The following VDR variants were observed in gnomAD, a reference collection of about 807,000 sequenced individuals.
VDR encodes the protein vitamin D3 receptor.
VDR carries 19 observed loss-of-function variants against 39.7 expected under a neutral mutation model. That is an observed-to-expected ratio of 0.48 (90% CI 0.33 to 0.70). VDR has a LOEUF of 0.70. VDR is among the 30% of genes least tolerant of loss of function. The probability of loss-of-function intolerance (pLI) is 0.02; values close to 1 mark genes in which losing one functional copy is unlikely to be tolerated. For missense variants in VDR, 442 were observed against 570.5 expected (o/e 0.77, Z 2.29); for synonymous variants, 242 against 215.8 (o/e 1.12, Z -1.07).
At chr12:47,881,409 T>A (rs942231434) in intron 2 of VDR, among the ~76,000 whole-genome samples, 4 of 152,240 alleles carry the variant, frequency 2.6e-5, no homozygotes, top group African/African-American at 9.6e-5. Context: ...GGGAGACAAT[T>A]CATTCATACT....
chr12:47,860,623 C>T (rs1243889516), intron 4 of VDR, among the ~76,000 whole-genome samples: 2 of 152,226 alleles, frequency 1.3e-5, no homozygotes, highest in East Asian at 1.9e-4. Flanking sequence ...AATTACTGAA[C>T]ATTGCAGGAC....
intron 7 of VDR, among the ~76,000 whole-genome samples, chr12:47,847,032 T>C (rs1318864773): frequency 6.6e-6 from 1 of 152,006 alleles, no homozygotes; most frequent in African/African-American, 2.4e-5. Context: ...AGTAGCTCAG[T>C]TACTAAGACA....
At position 47,844,928 on chromosome 12, in the gene VDR, G is replaced by C. The variant is rs78942213; in HGVS notation, c.1102C>G (p.Arg368Gly). 1 of 1,614,096 alleles carries C rather than the reference G, an allele frequency of 6.2e-7. No individual in the cohort carries two copies. Among genetic ancestry groups the C allele is most frequent in the Non-Finnish European group, 8.5e-7 (1 of 1,180,000 alleles). ...CTGCCCGGGGGCGGGTGGCGGCAGC[G>C]GATGTACGTCTGCAGTGTGTTGGAC... ...RLSNTLQTYI[R>G]CRHPPPGSHL... The change falls in exon 10 of 10, where the codon CGC (arginine) becomes GGC (glycine). Residue 368 changes from arginine to glycine, a missense_variant. This residue lies in a region of VDR where 173 missense variants were observed against 252.0 expected (regional missense o/e 0.69). Transcript: ENST00000549336.
chr12:47,855,590 A>C, intron 7 of VDR, 40 bp downstream of exon 7: 1 of 1,611,894 alleles, frequency 6.2e-7, no homozygotes, highest in Non-Finnish European at 8.5e-7. Context: ...TCAGTCTAGG[A>C]CTCTGACTCT....
At chr12:47,903,202 C>T (rs1464438933) in intron 1 of VDR, among the ~76,000 whole-genome samples, 1 of 152,212 alleles carries the variant, frequency 6.6e-6, no homozygotes, top group East Asian at 1.9e-4. Context: ...GGGTCCAAGT[C>T]ACAGCTGATC....
intron 3 of VDR, among the ~76,000 whole-genome samples, chr12:47,872,087 T>C (rs1945893673): frequency 6.6e-6 from 1 of 152,230 alleles, no homozygotes; most frequent in South Asian, 2.1e-4. Context: ...TAAAAAGCCA[T>C]ATTATGACGT....
In VDR at chr12:47,882,763, A is replaced by G. The variant is rs1373221755; in HGVS notation, c.-72T>C. 1 of 1,534,978 alleles carries G rather than the reference A, an allele frequency of 6.5e-7. No individual in the cohort carries two copies. On this transcript the variant is annotated 5_prime_UTR_variant, in exon 2 of 10. Coordinates refer to ENST00000549336, the MANE Select transcript of VDR (RefSeq NM_000376.3). ...CTGTGAGGTCTCACAGACACTTCAGACCCAAAGGCTTCTGAAATGAAGAAG... is the reference window on the plus strand; with the variant it reads ...CTGTGAGGTCTCACAGACACTTCAGGCCCAAAGGCTTCTGAAATGAAGAAG...
chr12:47,900,348 G>A (rs4760655), intron 1 of VDR, among the ~76,000 whole-genome samples: 107,992 of 152,136 alleles, frequency 0.71, 39,823 homozygotes, highest in African/African-American at 0.93. Flanking sequence ...CATTTACTGC[G>A]GGTGTATAAT....
At chr12:47,871,311 T>TTTCC (rs1945862913) in intron 3 of VDR, among the ~76,000 whole-genome samples, 1 of 134,088 alleles carries the variant, frequency 7.5e-6, no homozygotes, top group Non-Finnish European at 1.6e-5. Context: ...TCTTTCTTTC[T>TTTCC]TTCTTTCTTT....
intron 4 of VDR, among the ~76,000 whole-genome samples, chr12:47,861,925 A>G (rs549901129): frequency 6.6e-6 from 1 of 152,386 alleles, no homozygotes; most frequent in East Asian, 1.9e-4. Context: ...TTTCCAAATG[A>G]ACGGCACAGA....
At chr12:47,890,374 ATT>A (rs1491170689) in intron 1 of VDR, among the ~76,000 whole-genome samples, 4 of 133,562 alleles carry the variant, frequency 3.0e-5, no homozygotes, top group African/African-American at 1.5e-4. Flanking sequence ...TGTAATATAT[ATT>A]TTATATATAT....
intron 2 of VDR, among the ~76,000 whole-genome samples, chr12:47,882,090 G>A (rs1416100569): frequency 6.6e-6 from 1 of 152,196 alleles, no homozygotes; most frequent in Non-Finnish European, 1.5e-5. Flanking sequence ...ATGCAAGCGA[G>A]TGGAACAACA....
In VDR at chr12:47,843,400, C is replaced by T. The variant is rs978986751; in HGVS notation, c.*1346G>A. The T allele has an allele frequency of 6.6e-6, 1 of 152,314 alleles. No homozygotes were observed. The highest frequency in any genetic ancestry group is 2.4e-5 in the African/African-American group (1 of 41,428). The allele number at this position is 152,314 out of a possible 1,614,324, so 9.4% of individuals were successfully genotyped here. A position where few individuals can be genotyped will look rare whatever the true frequency, so the allele number is the denominator to read the frequency against. On this transcript the variant is annotated 3_prime_UTR_variant, in exon 10 of 10. Coordinates refer to ENST00000549336, the MANE Select transcript of VDR (RefSeq NM_000376.3). ...CTGATCTGAAGAAGCCTCTGTGATCCACCTCGAAGAACGCCTTTCTGTACC... is the reference window on the plus strand; with the variant it reads ...CTGATCTGAAGAAGCCTCTGTGATCTACCTCGAAGAACGCCTTTCTGTACC...
At chr12:47,884,004 AC>A (rs1946209396) in intron 1 of VDR, among the ~76,000 whole-genome samples, 1 of 152,214 alleles carries the variant, frequency 6.6e-6, no homozygotes, top group African/African-American at 2.4e-5. Context: ...GCATGCTGCC[AC>A]GTACCCCCAA....
chr12:47,902,790 A>G (rs1169385727), intron 1 of VDR, among the ~76,000 whole-genome samples: 1 of 152,178 alleles, frequency 6.6e-6, no homozygotes, highest in Admixed American at 6.5e-5. Context: ...GAATGAAACA[A>G]TGGGAACTCC....
chr12:47,903,196 C>G (rs1356300065), intron 1 of VDR, among the ~76,000 whole-genome samples: 1 of 152,172 alleles, frequency 6.6e-6, no homozygotes, highest in Non-Finnish European at 1.5e-5. Flanking sequence ...TGGTAAGGGT[C>G]CAAGTCACAG....
At chr12:47,859,941 TTCTTTCTTTCTTTCTTTCTTTC>T (rs1338428024) in intron 4 of VDR, among the ~76,000 whole-genome samples, 1 of 136,000 alleles carries the variant, frequency 7.4e-6, no homozygotes, top group Admixed American at 7.5e-5. Flanking sequence ...CTTTCTTTCT[TTCTTTCTTTCTTTCTTTCTTTC>T]TTTCTTTCTT....
intron 4 of VDR, among the ~76,000 whole-genome samples, chr12:47,859,385 T>C (rs1303006093): frequency 6.6e-6 from 1 of 152,210 alleles, no homozygotes; most frequent in Non-Finnish European, 1.5e-5. Flanking sequence ...CTTCATGTCT[T>C]AGTGCTTCTG....
intron 1 of VDR, among the ~76,000 whole-genome samples, chr12:47,902,807 T>A (rs1275589109): frequency 1.3e-5 from 2 of 152,156 alleles, no homozygotes; most frequent in Admixed American, 1.3e-4. Flanking sequence ...CTCCCTTTCG[T>A]GTCTTAGATA....
Sources: allele counts gnomAD v4.1 joint callset (sites outside exome capture counted in the v4.1 genomes callset), GRCh38; gene constraint gnomAD v4.1.1; regional missense constraint gnomAD v4.1.1; transcripts MANE v1.5; gene names NCBI Gene and HGNC (gene_info 2026-07-23, HGNC 2026-07-21).